The following PRKN variants were observed in gnomAD, a reference collection of about 807,000 sequenced individuals.
PRKN encodes parkin RBR E3 ubiquitin protein ligase.
A neutral mutation model predicts 59.5 loss-of-function variants in PRKN; 56 were observed. That is an observed-to-expected ratio of 0.94 (90% CI 0.76 to 1.18). The LOEUF (loss-of-function observed/expected upper bound fraction) is 1.18, where lower values mean the gene tolerates loss of function less well. Ranked by LOEUF, PRKN falls within the 50% of genes most tolerant of loss-of-function variation. The pLI is 0.00. For synonymous variants in PRKN, 250 were observed against 222.1 expected, an observed-to-expected ratio of 1.13 and a Z score of -1.12; for missense variants, 657 against 596.4, an observed-to-expected ratio of 1.10 and a Z score of -1.06.
At chr6:162,291,681 G>A (rs913527261) in intron 2 of PRKN, among the ~76,000 whole-genome samples, 1 of 152,132 alleles carries the variant, frequency 6.6e-6, no homozygotes, top group East Asian at 1.9e-4. Flanking sequence ...AAAGATGAAA[G>A]CCCTGGCTTT....
intron 9 of PRKN, among the ~76,000 whole-genome samples, chr6:161,416,889 C>G (rs1021782036): frequency 2.0e-5 from 3 of 152,122 alleles, no homozygotes; most frequent in African/African-American, 7.2e-5. Context: ...GCTGAGCACC[C>G]AGGAGAGAGG....
intron 6 of PRKN, among the ~76,000 whole-genome samples, chr6:161,935,647 A>G (rs1285574928): frequency 6.6e-6 from 1 of 152,162 alleles, no homozygotes; most frequent in Non-Finnish European, 1.5e-5. Flanking sequence ...GCTAAAATCC[A>G]AGCAACTTAC....
intron 7 of PRKN, among the ~76,000 whole-genome samples, chr6:161,614,549 T>A (rs1782617615): frequency 6.6e-6 from 1 of 152,226 alleles, no homozygotes; most frequent in African/African-American, 2.4e-5. Context: ...CGGACTGAAA[T>A]CTAGACTATG....
At chr6:162,040,139 T>C (rs976181607) in intron 5 of PRKN, among the ~76,000 whole-genome samples, 2 of 152,150 alleles carry the variant, frequency 1.3e-5, no homozygotes, top group Non-Finnish European at 2.9e-5. Context: ...TGCTGGGAGC[T>C]GGTACACCTG....
At chr6:162,262,836 T>C in intron 2 of PRKN, 71 bp from the exon 3 acceptor site, 1 of 1,573,574 alleles carries the variant, frequency 6.4e-7, no homozygotes, top group Non-Finnish European at 8.6e-7. Context: ...GAGATAGAGT[T>C]TAACTTGCCC....
chr6:162,511,772 C>T (rs1777628749), intron 1 of PRKN, among the ~76,000 whole-genome samples: 1 of 152,144 alleles, frequency 6.6e-6, no homozygotes, highest in Non-Finnish European at 1.5e-5. Context: ...AACCAGCCCC[C>T]CATGATACGT....
chr6:161,746,489 C>A (rs1012636542), intron 7 of PRKN, among the ~76,000 whole-genome samples: 1 of 150,406 alleles, frequency 6.6e-6, no homozygotes, highest in Non-Finnish European at 1.5e-5. Flanking sequence ...TCAACAAGAA[C>A]GGAGAAAAAT....
intron 5 of PRKN, among the ~76,000 whole-genome samples, chr6:162,013,024 T>G (rs1583486924): frequency 6.6e-6 from 1 of 152,252 alleles, no homozygotes; most frequent in East Asian, 1.9e-4. Context: ...TAATCAAACC[T>G]CTACTTACCA....
rs1382963846 is a variant in PRKN, at chr6:161,588,471, A to T, written c.872-19055T>A. Among the ~76,000 whole-genome samples the T allele has an allele frequency of 6.6e-6, 1 of 152,166 alleles. No individual in the cohort carries two copies. The highest frequency in any genetic ancestry group is 1.5e-5 in the Non-Finnish European group (1 of 68,028). Reference sequence around the variant, plus strand: ...GTGCCTCATTCAGTAAAAGGCTATGAAGCAATTTAAGGATATTTGCAACAA... The same window carrying T: ...GTGCCTCATTCAGTAAAAGGCTATGTAGCAATTTAAGGATATTTGCAACAA... On this transcript the variant is annotated intron_variant, in intron 7 of 11. Coordinates refer to ENST00000366898, the MANE Select transcript of PRKN (RefSeq NM_004562.3). This position sits in a 1 kb window ranked among gnomAD's most constrained non-coding sequence, Gnocchi z 5.0.
chr6:161,513,496 A>T (rs1778472495), intron 9 of PRKN, among the ~76,000 whole-genome samples: 2 of 149,774 alleles, frequency 1.3e-5, no homozygotes, highest in Non-Finnish European at 3.0e-5. Context: ...TGCCCGCCTC[A>T]GTCTCCCAGA....
At chr6:162,291,626 T>A (rs970523403) in intron 2 of PRKN, among the ~76,000 whole-genome samples, 2 of 152,070 alleles carry the variant, frequency 1.3e-5, no homozygotes, top group Non-Finnish European at 2.9e-5. Context: ...GAGCCAAACA[T>A]GAAAGATTTT....
intron 7 of PRKN, among the ~76,000 whole-genome samples, chr6:161,741,784 T>A (rs1403103524): frequency 6.6e-6 from 1 of 152,050 alleles, no homozygotes; most frequent in Admixed American, 6.5e-5. Flanking sequence ...ATAACTCCCA[T>A]GTGATATGGT....
chr6:162,190,965 C>G (rs545400936), intron 4 of PRKN, among the ~76,000 whole-genome samples: 10 of 152,256 alleles, frequency 6.6e-5, no homozygotes, highest in Non-Finnish European at 1.5e-4. Context: ...TCTGCAGAGA[C>G]TCAGGAAGGT....
chr6:162,451,579 AAGAG>A (rs543857383), intron 1 of PRKN, among the ~76,000 whole-genome samples: 28 of 151,860 alleles, frequency 1.8e-4, no homozygotes, highest in Non-Finnish European at 2.2e-4. Context: ...AAAAGAAAAA[AAGAG>A]AGAGAGAGAG....
intron 4 of PRKN, among the ~76,000 whole-genome samples, chr6:162,173,516 G>A (rs1783387111): frequency 6.9e-6 from 1 of 145,400 alleles, no homozygotes; most frequent in East Asian, 2.0e-4. Context: ...ACATTTTCAG[G>A]TATCTATTTT....
intron 7 of PRKN, among the ~76,000 whole-genome samples, chr6:161,738,276 C>A (rs992968515): frequency 1.8e-4 from 28 of 152,154 alleles, no homozygotes; most frequent in African/African-American, 6.5e-4. Flanking sequence ...ACACCTTTGT[C>A]ACTCGAAGGT....
At chr6:162,597,707 C>T (rs1781545890) in intron 1 of PRKN, among the ~76,000 whole-genome samples, 2 of 152,188 alleles carry the variant, frequency 1.3e-5, no homozygotes, top group African/African-American at 4.8e-5. Flanking sequence ...CAATTTTACT[C>T]TGCACAATCT....
At chr6:161,516,490 AAAAG>A (rs529040247) in intron 9 of PRKN, among the ~76,000 whole-genome samples, 19,599 of 82,218 alleles carry the variant, frequency 0.24, 3,973 homozygotes, top group South Asian at 0.44. Context: ...AAAAAAAAAA[AAAAG>A]AAGAAGAAGA....
At chr6:162,000,646 G>A (rs538519807) in intron 5 of PRKN, among the ~76,000 whole-genome samples, 1 of 152,068 alleles carries the variant, frequency 6.6e-6, no homozygotes, top group African/African-American at 2.4e-5. Flanking sequence ...CTGAGGTTTT[G>A]TATTGTAATA....
Sources: allele counts gnomAD v4.1 joint callset (sites outside exome capture counted in the v4.1 genomes callset), GRCh38; gene constraint gnomAD v4.1.1; non-coding constraint Gnocchi (gnomAD v3.1); transcripts MANE v1.5; gene names NCBI Gene and HGNC (gene_info 2026-07-23, HGNC 2026-07-21).